The following PLCB4 variants were observed in gnomAD, a reference collection of about 807,000 sequenced individuals.
PLCB4 encodes phospholipase C beta 4, also known as 1-phosphatidylinositol 4,5-bisphosphate phosphodiesterase beta-4.
PLCB4 carries 77 observed loss-of-function variants against 178.8 expected under a neutral mutation model. That is an observed-to-expected ratio of 0.43 (90% CI 0.36 to 0.52). The LOEUF is 0.52. PLCB4 is among the 20% of genes least tolerant of loss of function. PLCB4 has a pLI of 0.00. For synonymous variants in PLCB4, 496 were observed against 490.8 expected (o/e 1.01, Z -0.14); for missense variants, 1,024 against 1,453.4 (o/e 0.70, Z 4.80).
Position 9,244,629 on chromosome 20 carries a change from G to A in PLCB4, c.-16+27177G>A, listed in dbSNP as rs1437403711. ...TTAGAAACAACAGTTTAGTCAGTCT[G>A]TTCAGGACTTTACTGTATGTACTTG... On this transcript the variant is annotated intron_variant, in intron 3 of 39. Transcript: ENST00000378473. Among the ~76,000 whole-genome samples the A allele has an allele frequency of 2.6e-5, 4 of 152,164 alleles. No individual in the cohort carries two copies. The East Asian group carries it at 7.7e-4, about 29-fold the overall frequency.
intron 2 of PLCB4, among the ~76,000 whole-genome samples, chr20:9,130,223 ATTAGT>A (rs1568805574): frequency 6.6e-6 from 1 of 152,036 alleles, no homozygotes; most frequent in African/African-American, 2.4e-5. Flanking sequence ...AATGTAGGAG[ATTAGT>A]TTAAGTATTT....
At chr20:9,211,584 C>T (rs953337945) in intron 2 of PLCB4, among the ~76,000 whole-genome samples, 2 of 152,150 alleles carry the variant, frequency 1.3e-5, no homozygotes, top group Admixed American at 1.3e-4. Flanking sequence ...TGGATTTGGC[C>T]AAATCTGAGT....
rs541481075 is a variant in PLCB4 at position 9,180,405 on chromosome 20, G to A, written c.-78-36985G>A. The stretch of plus-strand genomic sequence containing the variant: ...TGATGGGGGATTTTTCCATTATAAA[G>A]CTGGTGCTACGATCTGAATTCTGCA... On this transcript the variant is annotated intron_variant, in intron 2 of 39. Coordinates refer to ENST00000378473, the MANE Select transcript of PLCB4 (RefSeq NM_001377142.1). 2.6e-4 allele frequency among the ~76,000 whole-genome samples: 39 copies of A among 152,234 alleles called. 1 individual carries two copies. Among genetic ancestry groups the A allele is most frequent in the Admixed American group, 2.2e-3 (34 of 15,296 alleles).
chr20:9,184,178 A>G (rs1441346780), intron 2 of PLCB4, among the ~76,000 whole-genome samples: 1 of 152,176 alleles, frequency 6.6e-6, no homozygotes, highest in African/African-American at 2.4e-5. Flanking sequence ...ACCTTCTGCA[A>G]TGATTCTGAA....
intron 2 of PLCB4, among the ~76,000 whole-genome samples, chr20:9,098,761 G>GTA (rs765458646): frequency 6.8e-6 from 1 of 147,176 alleles, no homozygotes; most frequent in Non-Finnish European, 1.5e-5. Flanking sequence ...GTGTGTGTGT[G>GTA]TGTATATATA....
At chr20:9,188,595 CTG>C (rs2093360032) in intron 2 of PLCB4, among the ~76,000 whole-genome samples, 1 of 40,130 alleles carries the variant, frequency 2.5e-5, no homozygotes, top group East Asian at 7.6e-4. Context: ...GGTTGGTTAA[CTG>C]TTCATTGTGG....
At chr20:9,424,585 A>G (rs1023533438) in intron 28 of PLCB4, among the ~76,000 whole-genome samples, 1 of 152,238 alleles carries the variant, frequency 6.6e-6, no homozygotes, top group Non-Finnish European at 1.5e-5. Context: ...GTACAGCAGG[A>G]TGATGGCATC....
chr20:9,457,512 A>T (rs2043129800), intron 34 of PLCB4, 23 bp downstream of exon 34: 5 of 1,111,442 alleles, frequency 4.5e-6, no homozygotes, highest in Non-Finnish European at 4.2e-6. Context: ...CCATTTTTAC[A>T]GCAGTGACTT....
intron 3 of PLCB4, among the ~76,000 whole-genome samples, chr20:9,272,691 T>A (rs886667818): frequency 6.6e-6 from 1 of 152,152 alleles, no homozygotes; most frequent in Non-Finnish European, 1.5e-5. Context: ...TCAAATTGTT[T>A]TTGAGCTTTT....
intron 2 of PLCB4, among the ~76,000 whole-genome samples, chr20:9,154,905 C>CCTTCCT (rs2092757688): frequency 1.6e-5 from 1 of 62,422 alleles, no homozygotes; most frequent in Non-Finnish European, 3.2e-5. Context: ...CCCTCCTTCC[C>CCTTCCT]TCCTTCCTTC....
chr20:9,470,649 A>C (rs1376912087), intron 36 of PLCB4, among the ~76,000 whole-genome samples: 1 of 152,214 alleles, frequency 6.6e-6, no homozygotes, highest in African/African-American at 2.4e-5. Context: ...AAGGGTCTTA[A>C]AAATTTATCT....
At chr20:9,337,422 A>T (rs1441960997) in intron 5 of PLCB4, among the ~76,000 whole-genome samples, 1 of 152,200 alleles carries the variant, frequency 6.6e-6, no homozygotes, top group Non-Finnish European at 1.5e-5. Context: ...GTCAGGCATT[A>T]AAAAATAAGT....
chr20:9,155,098 C>A (rs2092765488), intron 2 of PLCB4, among the ~76,000 whole-genome samples: 1 of 151,488 alleles, frequency 6.6e-6, no homozygotes, highest in African/African-American at 2.4e-5. Context: ...CCCTGGCCCC[C>A]CTCCCACCCT....
chr20:9,086,186 G>C (rs1197071886), intron 1 of PLCB4, among the ~76,000 whole-genome samples: 1 of 152,136 alleles, frequency 6.6e-6, no homozygotes, highest in Non-Finnish European at 1.5e-5. Flanking sequence ...GAGAAAAAGT[G>C]ATCATCTCAA....
chr20:9,272,528 C>A (rs1344891905), intron 3 of PLCB4, among the ~76,000 whole-genome samples: 1 of 152,084 alleles, frequency 6.6e-6, no homozygotes, highest in Non-Finnish European at 1.5e-5. Context: ...CCTCTCCTCC[C>A]CTCATTCCTC....
intron 2 of PLCB4, among the ~76,000 whole-genome samples, chr20:9,191,830 A>G (rs1247643516): frequency 2.6e-5 from 4 of 151,398 alleles, no homozygotes; most frequent in Admixed American, 6.6e-5. Context: ...ATATATTTCT[A>G]TAGGTCTGCT....
intron 35 of PLCB4, among the ~76,000 whole-genome samples, chr20:9,464,261 C>T (rs1325226020): frequency 6.6e-6 from 1 of 152,192 alleles, no homozygotes; most frequent in Non-Finnish European, 1.5e-5. Context: ...ACCAGAATCT[C>T]TGGGACACAT....
At chr20:9,190,024 G>T (rs893517116) in intron 2 of PLCB4, among the ~76,000 whole-genome samples, 1 of 152,068 alleles carries the variant, frequency 6.6e-6, no homozygotes, top group Non-Finnish European at 1.5e-5. Flanking sequence ...AAATGTCCTC[G>T]GAGGCACAAA....
intron 14 of PLCB4, 32 bp from the exon 15 acceptor site, chr20:9,387,431 G>T: frequency 9.3e-7 from 1 of 1,077,454 alleles, no homozygotes; most frequent in Non-Finnish European, 1.4e-6. Context: ...TCATTGTAAA[G>T]TTTCAATATT....
Sources: allele counts gnomAD v4.1 joint callset (sites outside exome capture counted in the v4.1 genomes callset), GRCh38; gene constraint gnomAD v4.1.1; transcripts MANE v1.5; gene names NCBI Gene and HGNC (gene_info 2026-07-23, HGNC 2026-07-21).